MYO10: variants seen among roughly 807,000 people sequenced by gnomAD.
MYO10 encodes the protein myosin X, also known as unconventional myosin-X.
Under a neutral mutation model 257.3 loss-of-function variants are expected in MYO10, and 133 were observed. That is an observed-to-expected ratio of 0.52 (90% CI 0.45 to 0.60). The LOEUF (loss-of-function observed/expected upper bound fraction) is 0.60. MYO10 is among the 20% of genes least tolerant of loss of function. MYO10 has a pLI of 0.00. For missense variants in MYO10, 2,399 were observed against 2,635.7 expected (o/e 0.91, Z 1.97); for synonymous variants, 1,104 against 1,028.6 (o/e 1.07, Z -1.40).
chr5:16,916,885 A>C (rs531097700), intron 1 of MYO10, among the ~76,000 whole-genome samples: 1 of 152,220 alleles, frequency 6.6e-6, no homozygotes, highest in Non-Finnish European at 1.5e-5. Flanking sequence ...GTAATTAACT[A>C]AAATAATTAG....
intron 30 of MYO10, among the ~76,000 whole-genome samples, chr5:16,682,404 C>T (rs949337226): frequency 4.6e-5 from 7 of 152,172 alleles, no homozygotes; most frequent in Middle Eastern, 3.4e-3. Flanking sequence ...ATGTCAGACA[C>T]CAGCAATAAA....
rs1437057120 is a variant in MYO10 at position 16,665,665 on chromosome 5, C to T, written c.*1027G>A. 6.6e-6 allele frequency: 1 copy of T among 152,478 alleles called. No homozygotes were observed. Among genetic ancestry groups the T allele is most frequent in the African/African-American group, 2.4e-5 (1 of 41,462 alleles). The allele number at this position is 152,478 out of a possible 1,614,324, so 9.4% of individuals were successfully genotyped here. A position where few individuals can be genotyped will look rare whatever the true frequency, so the allele number is the denominator to read the frequency against. On this transcript the variant is annotated 3_prime_UTR_variant, in exon 41 of 41. Coordinates refer to ENST00000513610, the MANE Select transcript of MYO10 (RefSeq NM_012334.3). ...TCAACATGGTTATTATATCTGTAAT[C>T]TATCCAGAATGATAGAAGCTAACCT...
intron 2 of MYO10, among the ~76,000 whole-genome samples, chr5:16,847,360 C>T (rs1181909006): frequency 2.7e-5 from 4 of 147,942 alleles, no homozygotes; most frequent in Non-Finnish European, 6.0e-5. Context: ...GGAGGCAGAG[C>T]TTGCAGTGAG....
At chr5:16,699,708 AC>A in intron 25 of MYO10, 135 bp from the exon 26 acceptor site, 2 of 1,140,982 alleles carry the variant, frequency 1.8e-6, no homozygotes, top group Non-Finnish European at 1.2e-6. Flanking sequence ...AATCACTCGA[AC>A]CCAGGAGGCA....
At chr5:16,777,839 C>CTATTCTTTTTTTT (rs1391555719) in intron 9 of MYO10, among the ~76,000 whole-genome samples, 2 of 88,482 alleles carry the variant, frequency 2.3e-5, no homozygotes, top group African/African-American at 1.1e-4. Flanking sequence ...TTGCATCTAA[C>CTATTCTTTTTTTT]TTTTTTTTTT....
At chr5:16,767,490 T>C (rs550304523) in intron 10 of MYO10, among the ~76,000 whole-genome samples, 74 of 152,202 alleles carry the variant, frequency 4.9e-4, no homozygotes, top group African/African-American at 1.7e-3. Flanking sequence ...TGTCTTTCAA[T>C]ATGCCAGACA....
At chr5:16,790,929 A>G (rs1300341255) in intron 4 of MYO10, among the ~76,000 whole-genome samples, 3 of 151,412 alleles carry the variant, frequency 2.0e-5, no homozygotes, top group Non-Finnish European at 2.9e-5. Flanking sequence ...ACACACACAC[A>G]TATATTCAAA....
At chr5:16,733,343 C>T (rs992422430) in intron 19 of MYO10, among the ~76,000 whole-genome samples, 10 of 152,212 alleles carry the variant, frequency 6.6e-5, no homozygotes, top group Middle Eastern at 3.4e-3. Flanking sequence ...ATCAAGTCAG[C>T]CCTTTTCATT....
intron 9 of MYO10, among the ~76,000 whole-genome samples, chr5:16,778,608 C>G (rs1157748035): frequency 1.3e-5 from 2 of 151,604 alleles, no homozygotes; most frequent in East Asian, 3.9e-4. Flanking sequence ...GAAGCCTGCT[C>G]TCTTCCGCTC....
chr5:16,762,446 G>C, intron 15 of MYO10, 99 bp downstream of exon 15: 1 of 920,716 alleles, frequency 1.1e-6, no homozygotes, highest in Non-Finnish European at 1.7e-6. Flanking sequence ...TTCAATGTGG[G>C]AGGCACAGTT....
chr5:16,706,984 A>G (rs933090759), intron 21 of MYO10, among the ~76,000 whole-genome samples: 10 of 152,162 alleles, frequency 6.6e-5, no homozygotes, highest in African/African-American at 2.4e-4. Context: ...CATAATTCCT[A>G]TGTGTCATGG....
rs528253999 is a variant in MYO10 at position 16,817,970 on chromosome 5, C to T, written c.279+39G>A. On this transcript the variant is annotated intron_variant, in intron 3 of 40. Transcript: ENST00000513610. The stretch of plus-strand genomic sequence containing the variant: ...AAACAAAAATAAGCATTCACTCAAA[C>T]GTGAGGATCTTTTTAAAGGAATTAC... 112 of 1,390,848 alleles carry T rather than the reference C, an allele frequency of 8.1e-5. 1 individual carries two copies. In the South Asian group the frequency reaches 1.5e-3, roughly 18 times the overall value. The allele number at this position is 1,390,848 out of a possible 1,614,324, so 86.2% of individuals were successfully genotyped here. A position where few individuals can be genotyped will look rare whatever the true frequency, so the allele number is the denominator to read the frequency against.
chr5:16,796,978 G>A (rs1244424447), intron 3 of MYO10, among the ~76,000 whole-genome samples: 4 of 115,972 alleles, frequency 3.4e-5, no homozygotes, highest in Non-Finnish European at 5.8e-5. Flanking sequence ...GGGGGTTGGC[G>A]GAGGGTAACA....
At chr5:16,696,850 T>G (rs969543545) in intron 26 of MYO10, among the ~76,000 whole-genome samples, 2 of 127,622 alleles carry the variant, frequency 1.6e-5, no homozygotes, top group African/African-American at 3.1e-5. Context: ...AGCGAGACTC[T>G]GTCTCAAAAA....
intron 2 of MYO10, among the ~76,000 whole-genome samples, chr5:16,864,292 T>C (rs1390296024): frequency 6.6e-6 from 1 of 152,162 alleles, no homozygotes; most frequent in Admixed American, 6.5e-5. Context: ...TGGAGCTTCA[T>C]TCATCCATTC....
At chr5:16,883,509 G>A (rs1263758055) in intron 1 of MYO10, among the ~76,000 whole-genome samples, 2 of 152,200 alleles carry the variant, frequency 1.3e-5, no homozygotes, top group African/African-American at 4.8e-5. Context: ...TGGTGTCATT[G>A]TGGACAATTA....
In MYO10 at chr5:16,780,751, AAAAGCAATGGCAAGTCAAGGAAAAAAAC is replaced by A; in HGVS notation, c.728-38_728-11del. On this transcript the variant is annotated splice_polypyrimidine_tract_variant and intron_variant, in intron 6 of 40. Transcript: ENST00000513610. Reference sequence around the variant, plus strand: ...ACTTTTTCTAATAAATCTTCATGTGAAAAGCAATGGCAAGTCAAGGAAAAAAACAAAGCTATGTGCCATGCTCAACTAG... The same window carrying A: ...ACTTTTTCTAATAAATCTTCATGTGAAAAGCTATGTGCCATGCTCAACTAG... The A allele has an allele frequency of 6.4e-7, 1 of 1,572,430 alleles. No individual in the cohort carries two copies. Among genetic ancestry groups the A allele is most frequent in the Non-Finnish European group, 8.6e-7 (1 of 1,157,376 alleles).
intron 19 of MYO10, among the ~76,000 whole-genome samples, chr5:16,736,027 C>T (rs1305499151): frequency 2.0e-5 from 3 of 152,040 alleles, no homozygotes; most frequent in East Asian, 3.9e-4. Context: ...GAATAAAGCA[C>T]AATCTATGTC....
chr5:16,699,311 T>C, intron 26 of MYO10, 139 bp downstream of exon 26: 1 of 1,149,408 alleles, frequency 8.7e-7, no homozygotes, highest in Non-Finnish European at 1.2e-6. Flanking sequence ...TAAGGGTAGG[T>C]AGAACGACTT....
Sources: gnomAD v4.1 joint callset for allele counts (sites outside exome capture counted in the v4.1 genomes callset) on GRCh38, gnomAD v4.1.1 for gene constraint, MANE v1.5 for transcripts, NCBI Gene and HGNC (gene_info 2026-07-23, HGNC 2026-07-21) for gene names.